Variants in CASKIN1 observed in about 807,000 individuals in gnomAD.
The protein encoded by CASKIN1 is caskin-1.
CASKIN1 carries 42 observed loss-of-function variants against 117.5 expected under a neutral mutation model. The observed-to-expected ratio is 0.36, with a 90% CI of 0.28 to 0.46. The LOEUF (loss-of-function observed/expected upper bound fraction) is 0.46, where lower values mean the gene tolerates loss of function less well. Among genes scored for constraint, CASKIN1 ranks in the 20% least tolerant of loss-of-function variants. The pLI is 1.00. For missense variants in CASKIN1, 2,083 were observed against 2,077.3 expected (o/e 1.00, Z -0.05); for synonymous variants, 1,148 against 961.7 (o/e 1.19, Z -3.59).
intron 10 of CASKIN1, among the ~76,000 whole-genome samples, 175 bp downstream of exon 10, chr16:2,186,532 G>A (rs1409774849): frequency 6.6e-6 from 1 of 152,158 alleles, no homozygotes; most frequent in African/African-American, 2.4e-5. Flanking sequence ...AAAGGAATAG[G>A]TGTGGGAACG....
chr16:2,193,304 A>G (rs26829), intron 1 of CASKIN1, among the ~76,000 whole-genome samples: 86,334 of 152,084 alleles, frequency 0.57, 24,670 homozygotes, highest in African/African-American at 0.63. Flanking sequence ...GGCATGAGCC[A>G]CCATGCCCGG....
In CASKIN1 at chr16:2,180,161, T is replaced by A. The variant is rs747768846; in HGVS notation, c.3207A>T (p.Pro1069=). Residue 1069 remains proline (P), a synonymous_variant, in exon 18 of 20, where the codon CCA becomes CCT. Coordinates refer to ENST00000343516, the MANE Select transcript of CASKIN1 (RefSeq NM_020764.4). ...GGGCAGTGGCCAGAAGTCCGGTGAC[T>A]GGCCCGCTGAGCGTGCGGCGCCGGT... is the stretch of plus-strand genomic sequence containing the variant. The part of the protein sequence containing the change: ...VVNRRRTLSG[P]VTGLLATARR... 1.3e-6 allele frequency: 2 copies of A among 1,553,248 alleles called. No homozygotes were observed. The highest frequency in any genetic ancestry group is 1.7e-6 in the Non-Finnish European group (2 of 1,149,346).
chr16:2,184,426 C>T (rs905965330), intron 14 of CASKIN1, among the ~76,000 whole-genome samples: 1 of 152,162 alleles, frequency 6.6e-6, no homozygotes, highest in Non-Finnish European at 1.5e-5. Flanking sequence ...CACGAGTGCA[C>T]TCACACACCA....
At chr16:2,183,118 C>T (rs950456024) in intron 16 of CASKIN1, among the ~76,000 whole-genome samples, 2 of 152,198 alleles carry the variant, frequency 1.3e-5, no homozygotes, top group African/African-American at 2.4e-5. Flanking sequence ...TTGGCCATGG[C>T]GTGTGCAGGT....
chr16:2,181,314 G>A lies in CASKIN1; in HGVS notation c.2054C>T (p.Thr685Ile), dbSNP rs747897671. 5.0e-6 allele frequency: 8 copies of A among 1,605,028 alleles called. No individual in the cohort carries two copies. Among genetic ancestry groups the A allele is most frequent in the Admixed American group, 1.7e-5 (1 of 59,748 alleles). ...TEKPSSHLPPTPRATTRQDSS... is the reference protein window; with the variant it reads ...TEKPSSHLPPIPRATTRQDSS... ...GTCCTGCCGCGTGGTGGCCCTCGGG[G>A]TGGGTGGCAGGTGGCTGGAGGGCTT... The change falls in exon 18 of 20, where the codon ACC (threonine) becomes ATC (isoleucine). Residue 685 changes from threonine to isoleucine, a missense_variant. This residue lies in a region of CASKIN1 where 1,818 missense variants were observed against 1,688.9 expected (regional missense o/e 1.08). Coordinates refer to ENST00000343516, the MANE Select transcript of CASKIN1 (RefSeq NM_020764.4).
chr16:2,194,864 G>A (rs770661844), intron 1 of CASKIN1, among the ~76,000 whole-genome samples: 16 of 152,174 alleles, frequency 1.1e-4, no homozygotes, highest in Non-Finnish European at 1.6e-4. Flanking sequence ...GCCCTGGGCC[G>A]TCCAAGACTG....
intron 12 of CASKIN1, 37 bp from the exon 13 acceptor site, chr16:2,185,072 A>AG (rs2141319608): frequency 1.2e-6 from 2 of 1,607,446 alleles, no homozygotes; most frequent in Non-Finnish European, 1.7e-6. Flanking sequence ...ACCTGCTCCC[A>AG]GCCCTGGCCA....
intron 6 of CASKIN1, among the ~76,000 whole-genome samples, chr16:2,187,987 A>G (rs1467661338): frequency 7.3e-6 from 1 of 137,284 alleles, no homozygotes; most frequent in Non-Finnish European, 1.6e-5. Flanking sequence ...GGCCTCAAGC[A>G]GTCCTCCTGC....
rs767737239 is a variant in CASKIN1 at position 2,180,641 on chromosome 16, C to T, written c.2727G>A (p.Thr909=). The part of the protein sequence containing the change: ...LVPAAAGPYA[T]VQRRVGRSHS... ...GGCTGCGGCCCACGCGCCGCTGGAC[C>T]GTGGCATAGGGGCCGGCAGCCGCAG... Residue 909 remains threonine, a synonymous_variant, in exon 18 of 20, where the codon ACG becomes ACA. Coordinates refer to ENST00000343516, the MANE Select transcript of CASKIN1 (RefSeq NM_020764.4). 496 of 1,544,578 alleles carry T rather than the reference C, an allele frequency of 3.2e-4. 2 individuals are homozygous for T. The highest frequency in any genetic ancestry group is 3.9e-4 in the Non-Finnish European group (451 of 1,152,374).
intron 17 of CASKIN1, 47 bp downstream of exon 17, chr16:2,181,744 T>TGGGCTGAGGGTTGGGCTG (rs749827360): frequency 6.4e-7 from 1 of 1,571,720 alleles, no homozygotes; most frequent in Non-Finnish European, 8.6e-7. Context: ...GGCTGGGGCT[T>TGGGCTGAGGGTTGGGCTG]GGGCTGAGGG....
Position 2,189,685 on chromosome 16 carries a change from A to C in CASKIN1, c.245-121T>G, listed in dbSNP as rs1263651046. 12 of 970,262 alleles carry C rather than the reference A, an allele frequency of 1.2e-5. No homozygotes were observed. The African/African-American group carries it at 1.9e-4, about 15-fold the overall frequency. The allele number at this position is 970,262 out of a possible 1,614,324, so 60.1% of individuals were successfully genotyped here. On this transcript the variant is annotated intron_variant, in intron 3 of 19. Coordinates refer to ENST00000343516, the MANE Select transcript of CASKIN1 (RefSeq NM_020764.4). Reference sequence around the variant, plus strand: ...CAACCCTGGGGGGTGGGAGGGCGCTAGGAGCTGACTTCTGACACCAAGCCC... The same window carrying C: ...CAACCCTGGGGGGTGGGAGGGCGCTCGGAGCTGACTTCTGACACCAAGCCC...
rs148854875 is a variant in CASKIN1, at chr16:2,195,612, G to A, written c.94+727C>T. Among the ~76,000 whole-genome samples, 1,040 of 152,332 alleles carry A rather than the reference G, an allele frequency of 6.8e-3. 11 individuals carry two copies. The highest frequency in any genetic ancestry group is 0.023 in the African/African-American group (977 of 41,578). On this transcript the variant is annotated intron_variant, in intron 1 of 19. Coordinates refer to ENST00000343516, the MANE Select transcript of CASKIN1 (RefSeq NM_020764.4). ...CTGGGGCCGGCCATAGGGCAAGCTG[G>A]GGATGGCCAGTGGTGGTCCCCCACT...
chr16:2,179,524 C>T lies in CASKIN1; in HGVS notation c.3775+69G>A, dbSNP rs944926806. The T allele has an allele frequency of 5.0e-6, 7 of 1,403,888 alleles. No individual in the cohort carries two copies. Among genetic ancestry groups the T allele is most frequent in the African/African-American group, 3.0e-5 (2 of 66,878 alleles). 87.0% of individuals were successfully genotyped at this position (1,403,888 alleles called of 1,614,324 possible). ...CATCAAACCCAAGAAAAGGAAAACC[C>T]CTCAGACCACCGAGTAAGGAGGTGG... is the stretch of plus-strand genomic sequence containing the variant. On this transcript the variant is annotated intron_variant, in intron 18 of 19. Coordinates refer to ENST00000343516, the MANE Select transcript of CASKIN1 (RefSeq NM_020764.4). The surrounding 1 kb of genome is among the most constrained non-coding windows in gnomAD (Gnocchi z 5.8).
rs2093171096 is a variant in CASKIN1 at position 2,182,473 on chromosome 16, G to A, written c.1630-544C>T. 6.6e-6 allele frequency among the ~76,000 whole-genome samples: 1 copy of A among 151,712 alleles called. No homozygotes were observed. The highest frequency in any genetic ancestry group is 1.5e-5 in the Non-Finnish European group (1 of 67,938). On this transcript the variant is annotated intron_variant, in intron 16 of 19. Transcript: ENST00000343516. This position sits in a 1 kb window ranked among gnomAD's most constrained non-coding sequence, Gnocchi z 4.1. ...CGAGAAACACCCGATCACTCCCCGA[G>A]CGGCATTCAGGCGTCCACACTTCCA...
In CASKIN1 at chr16:2,178,430, T is replaced by C; in HGVS notation, c.*120A>G. The C allele has an allele frequency of 1.5e-6, 1 of 685,010 alleles. No individual in the cohort carries two copies. Among genetic ancestry groups the C allele is most frequent in the East Asian group, 3.6e-5 (1 of 27,418 alleles). The allele number at this position is 685,010 out of a possible 1,614,324, so 42.4% of individuals were successfully genotyped here. On this transcript the variant is annotated 3_prime_UTR_variant, in exon 20 of 20. Transcript: ENST00000343516. The stretch of plus-strand genomic sequence containing the variant: ...CCCGGCCCGGGTCCAGGGGCCGGAG[T>C]TGTGCTTCTGCAGGGCCCTGCCCGG...
At position 2,196,456 on chromosome 16, in the gene CASKIN1, GC is replaced by G; in HGVS notation, c.-25del. The G allele has an allele frequency of 8.5e-7, 1 of 1,181,530 alleles. No individual in the cohort carries two copies. The highest frequency in any genetic ancestry group is 2.1e-5 in the South Asian group (1 of 46,664). The allele number at this position is 1,181,530 out of a possible 1,614,324, so 73.2% of individuals were successfully genotyped here. A position where few individuals can be genotyped will look rare whatever the true frequency, so the allele number is the denominator to read the frequency against. ...ATGGCGCGGCCGGGGCCGCAGCGAC[GC>G]GGCTGCGCTCGTGAGCTCGGCGCGG... is the stretch of plus-strand genomic sequence containing the variant. On this transcript the variant is annotated 5_prime_UTR_variant, in exon 1 of 20. Transcript: ENST00000343516. This position sits in a 1 kb window ranked among gnomAD's most constrained non-coding sequence, Gnocchi z 5.7.
In CASKIN1 at chr16:2,182,740, G is replaced by A. The variant is rs776129147; in HGVS notation, c.1630-811C>T. 6.6e-6 allele frequency among the ~76,000 whole-genome samples: 1 copy of A among 152,220 alleles called. No homozygotes were observed. Among genetic ancestry groups the A allele is most frequent in the African/African-American group, 2.4e-5 (1 of 41,454 alleles). On this transcript the variant is annotated intron_variant, in intron 16 of 19. Transcript: ENST00000343516. This position sits in a 1 kb window ranked among gnomAD's most constrained non-coding sequence, Gnocchi z 4.1. The stretch of plus-strand genomic sequence containing the variant: ...AGTCCGCTTCAGTTGGGCTAGGCCT[G>A]GGCCCACCTTCTTCAGGCCCGGAAC...
rs2093174873 is a variant in CASKIN1, at chr16:2,183,679, T to C, written c.1596A>G (p.Leu532=). ...RKKIAAEISG[L]SIPDWLPEHK... ...GCTCAGGCAGCCAGTCAGGGATGCT[T>C]AGGCCGCTGATCTCTGCCGCGATCT... is the stretch of plus-strand genomic sequence containing the variant. The change falls in exon 16 of 20, where the codon CTA becomes CTG. Residue 532 remains leucine, a synonymous_variant. Transcript: ENST00000343516. The C allele has an allele frequency of 6.2e-7, 1 of 1,613,296 alleles. No homozygotes were observed. Among genetic ancestry groups the C allele is most frequent in the Non-Finnish European group, 8.5e-7 (1 of 1,179,956 alleles).
At chr16:2,191,165 T>A (rs902482885) in intron 1 of CASKIN1, among the ~76,000 whole-genome samples, 1 of 152,288 alleles carries the variant, frequency 6.6e-6, no homozygotes, top group Non-Finnish European at 1.5e-5. Flanking sequence ...CATAACCCAT[T>A]TGTGGGTCAG....
Sources: allele counts gnomAD v4.1 joint callset (sites outside exome capture counted in the v4.1 genomes callset), GRCh38; gene constraint gnomAD v4.1.1; regional missense constraint gnomAD v4.1.1; non-coding constraint Gnocchi (gnomAD v3.1); transcripts MANE v1.5; gene names NCBI Gene and HGNC (gene_info 2026-07-23, HGNC 2026-07-21).